Variants in SOX30 observed in about 807,000 individuals in gnomAD.
SOX30 encodes transcription factor SOX-30.
Under a neutral mutation model 58.6 loss-of-function variants are expected in SOX30, and 17 were observed. The observed-to-expected ratio is 0.29, with a 90% confidence interval of 0.20 to 0.44. The LOEUF is 0.44. SOX30 is among the 20% of genes least tolerant of loss of function. The pLI is 1.00. For missense variants in SOX30, 951 were observed against 965.8 expected (o/e 0.98, Z 0.20); for synonymous variants, 421 against 400.2 (o/e 1.05, Z -0.62).
chr5:157,632,930 A>T (rs1328154362), intron 4 of SOX30, among the ~76,000 whole-genome samples: 1 of 152,050 alleles, frequency 6.6e-6, no homozygotes, highest in Non-Finnish European at 1.5e-5. Flanking sequence ...CTCCACTAAA[A>T]ATACAAAAAT....
At chr5:157,661,546 G>T (rs1439241221) in intron 2 of SOX30, among the ~76,000 whole-genome samples, 1 of 152,194 alleles carries the variant, frequency 6.6e-6, no homozygotes, top group Non-Finnish European at 1.5e-5. Context: ...AATGGGCTTG[G>T]CTTTGTTTCA....
chr5:157,633,662 G>T (rs1758862731), intron 4 of SOX30, among the ~76,000 whole-genome samples: 1 of 152,070 alleles, frequency 6.6e-6, no homozygotes, highest in African/African-American at 2.4e-5. Context: ...TCTCAAATGG[G>T]TCTCTGACCC....
intron 2 of SOX30, among the ~76,000 whole-genome samples, chr5:157,658,489 A>G (rs1759521573): frequency 6.6e-6 from 1 of 152,210 alleles, no homozygotes; most frequent in Admixed American, 6.5e-5. Context: ...AAAAATCTAA[A>G]TCAGTATTCT....
chr5:157,660,283 G>A (rs879873177), intron 2 of SOX30, among the ~76,000 whole-genome samples: 2 of 152,130 alleles, frequency 1.3e-5, no homozygotes, highest in Non-Finnish European at 2.9e-5. Context: ...TTAGCCAGGT[G>A]TGATGGCCTG....
chr5:157,648,890 G>A lies in SOX30; in HGVS notation c.974C>T (p.Pro325Leu), dbSNP rs769004333. ...LTVLPSDAGI[P>L]DTPFSKDRNG... The stretch of plus-strand genomic sequence containing the variant: ...TCTGTCCTTACTGAAGGGAGTATCT[G>A]GTATGCCTACATGACAAAAATTAAA... Residue 325 changes from proline (P) to leucine (L), a missense_variant, in exon 2 of 5, where the codon CCA becomes CTA. By Grantham distance (98) the Pro-to-Leu change is moderately conservative (BLOSUM62 -3). Coordinates refer to ENST00000265007, the MANE Select transcript of SOX30 (RefSeq NM_178424.2). 4 of 1,600,284 alleles carry A rather than the reference G, an allele frequency of 2.5e-6. No homozygotes were observed. The highest frequency in any genetic ancestry group is 3.4e-6 in the Non-Finnish European group (4 of 1,173,654).
chr5:157,634,972 C>T lies in SOX30; in HGVS notation c.1880+3258G>A, dbSNP rs539989922. 3.3e-5 allele frequency among the ~76,000 whole-genome samples: 5 copies of T among 152,286 alleles called. No homozygotes were observed. In the South Asian group the frequency reaches 6.2e-4, roughly 19 times the overall value. Reference sequence around the variant, plus strand: ...CAGAAATATTCCTTACAGAAAATTCCATTATCAGTTGGGAGAAGAGAAAAA... The same window carrying T: ...CAGAAATATTCCTTACAGAAAATTCTATTATCAGTTGGGAGAAGAGAAAAA... On this transcript the variant is annotated intron_variant, in intron 4 of 4. Coordinates refer to ENST00000265007, the MANE Select transcript of SOX30 (RefSeq NM_178424.2).
upstream of SOX30, among the ~76,000 whole-genome samples, chr5:157,654,807 C>T (rs111297908): frequency 0.026 from 4,027 of 152,302 alleles, 87 homozygotes; most frequent in African/African-American, 0.055. Context: ...AGCATGACAG[C>T]TTACAGATGC....
exon 2 of SOX30, chr5:157,667,826 C>T (rs1243991797): frequency 1.8e-5 from 27 of 1,535,360 alleles, no homozygotes; most frequent in Admixed American, 2.0e-5. Context: ...GACTTTGTTC[C>T]TTCCCTCTAC....
intron 4 of SOX30, 40 bp downstream of exon 4, chr5:157,638,190 G>A: frequency 1.3e-6 from 2 of 1,496,828 alleles, no homozygotes; most frequent in African/African-American, 1.4e-5. Flanking sequence ...AAACTCATTA[G>A]CTGAATGTTT....
intron 2 of SOX30, among the ~76,000 whole-genome samples, chr5:157,665,600 A>AAAAAT (rs367549924): frequency 6.7e-6 from 1 of 149,008 alleles, no homozygotes; most frequent in Admixed American, 6.7e-5. Context: ...AAGTATAATA[A>AAAAAT]AAAATAAAAT....
chr5:157,646,616 T>A, intron 3 of SOX30, 21 bp downstream of exon 3: 1 of 1,557,494 alleles, frequency 6.4e-7, no homozygotes, highest in Non-Finnish European at 8.7e-7. Flanking sequence ...AAAATAGTAA[T>A]CTACAATAAA....
rs756932285 is a variant in SOX30, at chr5:157,638,649, G to A, written c.1461C>T (p.Pro487=). The change falls in exon 4 of 5, where the codon CCC becomes CCT. Residue 487 remains proline, a synonymous_variant. Transcript: ENST00000265007. ...QSPSPVTLFQ[P]SVSSAAQVAV... ...CCACCTGAGCAGCACTGGAGACGCT[G>A]GGCTGGAAAAGTGTGACAGGGCTTG... 1.2e-6 allele frequency: 2 copies of A among 1,614,186 alleles called. No individual in the cohort carries two copies. Among genetic ancestry groups the A allele is most frequent in the Admixed American group, 1.7e-5 (1 of 60,016 alleles).
intron 2 of SOX30, chr5:157,667,789 C>T (rs1759700559): frequency 1.3e-6 from 2 of 1,517,684 alleles, no homozygotes; most frequent in Non-Finnish European, 1.8e-6. Flanking sequence ...CACACACACA[C>T]ATACAAACCT....
chr5:157,666,326 A>AATTTTTGT (rs1759669665), intron 2 of SOX30, among the ~76,000 whole-genome samples: 1 of 151,816 alleles, frequency 6.6e-6, no homozygotes, highest in South Asian at 2.1e-4. Context: ...ATGCCTGGCT[A>AATTTTTGT]ATTTTTGTAT....
intron 4 of SOX30, among the ~76,000 whole-genome samples, chr5:157,637,294 T>C (rs1049271946): frequency 6.6e-6 from 1 of 152,172 alleles, no homozygotes; most frequent in East Asian, 1.9e-4. Context: ...GTAATTTATG[T>C]GGGAAATTTT....
chr5:157,651,276 G>T lies in SOX30; in HGVS notation c.803C>A (p.Pro268His). The change falls in exon 1 of 5, where the codon CCC (proline) becomes CAC (histidine). Residue 268 changes from proline (P) to histidine (H), a missense_variant. Physicochemically the swap from Pro to His is moderately conservative, Grantham distance 77. Transcript: ENST00000265007. The stretch of plus-strand genomic sequence containing the variant: ...CTGAAACTGGATCCGGGCCCCAGGG[G>T]GGACCGTGTGGAGCGTCAAAGGGAT... ...LRIPLTLHTV[P>H]PGARIQFQGA... The T allele has an allele frequency of 6.2e-7, 1 of 1,614,134 alleles. No homozygotes were observed. Among genetic ancestry groups the T allele is most frequent in the Non-Finnish European group, 8.5e-7 (1 of 1,180,042 alleles).
intron 1 of SOX30, among the ~76,000 whole-genome samples, chr5:157,649,345 A>C (rs17054791): frequency 0.023 from 3,437 of 152,280 alleles, 57 homozygotes; most frequent in South Asian, 0.051. Context: ...GAACTCATCT[A>C]CATGCTGCTC....
chr5:157,635,422 G>A lies in SOX30; in HGVS notation c.1880+2808C>T, dbSNP rs943667548. 3.3e-5 allele frequency among the ~76,000 whole-genome samples: 5 copies of A among 152,070 alleles called. No homozygotes were observed. In the East Asian group the frequency reaches 5.8e-4, roughly 18 times the overall value. On this transcript the variant is annotated intron_variant, in intron 4 of 4. Transcript: ENST00000265007. ...GTGGATCACCTGAGGTCAGGAGTTC[G>A]AGACCAGCCTGACCAATATGGTGAA...
At chr5:157,667,519 C>T (rs571210879) in intron 2 of SOX30, among the ~76,000 whole-genome samples, 7 of 152,144 alleles carry the variant, frequency 4.6e-5, no homozygotes, top group East Asian at 1.9e-4. Flanking sequence ...GAATCACCTG[C>T]GGTCAGGAAT....
Sources: allele counts gnomAD v4.1 joint callset (sites outside exome capture counted in the v4.1 genomes callset), GRCh38; gene constraint gnomAD v4.1.1; transcripts MANE v1.5; gene names NCBI Gene and HGNC (gene_info 2026-07-23, HGNC 2026-07-21).